Variants in TMTC2 observed in about 807,000 individuals in gnomAD.
TMTC2 encodes the protein transmembrane O-mannosyltransferase targeting cadherins 2, also known as protein O-mannosyl-transferase TMTC2.
TMTC2 carries 43 observed loss-of-function variants against 82.4 expected under a neutral mutation model. The observed-to-expected ratio is 0.52, with a 90% CI of 0.41 to 0.67. TMTC2 has a LOEUF of 0.67. Among genes scored for constraint, TMTC2 ranks in the 30% least tolerant of loss-of-function variants. The probability of loss-of-function intolerance (pLI) is 0.00; values close to 1 mark genes in which losing one functional copy is unlikely to be tolerated. For synonymous variants in TMTC2, 408 were observed against 381.9 expected (o/e 1.07, Z -0.80); for missense variants, 919 against 1,012.4 (o/e 0.91, Z 1.25).
chr12:83,026,676 C>T (rs1006913208), intron 8 of TMTC2, among the ~76,000 whole-genome samples: 2 of 151,102 alleles, frequency 1.3e-5, no homozygotes, highest in African/African-American at 4.9e-5. Context: ...CCTCCTTGCT[C>T]TAAGGGGAGT....
At chr12:82,799,818 CAG>C in intron 1 of TMTC2, among the ~76,000 whole-genome samples, 1 of 152,226 alleles carries the variant, frequency 6.6e-6, no homozygotes, top group East Asian at 1.9e-4. Flanking sequence ...ATGAATCCCT[CAG>C]AGTTGCTTAC....
At position 83,076,167 on chromosome 12, in the gene TMTC2, C is replaced by T. The variant is rs527436892; in HGVS notation, c.2331+14336C>T. On this transcript the variant is annotated intron_variant, in intron 11 of 11. Transcript: ENST00000321196. ...GGGTATTGTTATTCATCACAATCTA[C>T]ATGCAATCATTTTTAAACAATATTT... Among the ~76,000 whole-genome samples the T allele has an allele frequency of 2.6e-5, 4 of 152,304 alleles. No homozygotes were observed. In the East Asian group the frequency reaches 7.7e-4, roughly 29 times the overall value.
At chr12:82,875,146 A>G (rs1336064039) in intron 2 of TMTC2, among the ~76,000 whole-genome samples, 1 of 152,150 alleles carries the variant, frequency 6.6e-6, no homozygotes, top group African/African-American at 2.4e-5. Context: ...TGATCTTTCT[A>G]AGAACTTACT....
chr12:82,971,918 A>G (rs547151400), intron 7 of TMTC2, among the ~76,000 whole-genome samples: 1 of 152,210 alleles, frequency 6.6e-6, no homozygotes, highest in African/African-American at 2.4e-5. Context: ...TTTCTGGGAG[A>G]TTTCACAGTT....
chr12:82,914,856 G>A (rs149997604), intron 3 of TMTC2, among the ~76,000 whole-genome samples: 6,531 of 120,666 alleles, frequency 0.054, 197 homozygotes, highest in Middle Eastern at 0.1. Flanking sequence ...ACGGAGTTTC[G>A]CTCTTGTTGC....
chr12:83,056,366 A>G (rs1350119731), intron 10 of TMTC2, among the ~76,000 whole-genome samples: 2 of 151,988 alleles, frequency 1.3e-5, no homozygotes, highest in Non-Finnish European at 2.9e-5. Context: ...AAACTCTACC[A>G]TACCAACTGG....
chr12:83,036,842 A>T (rs1027772910), intron 9 of TMTC2, among the ~76,000 whole-genome samples: 6 of 152,156 alleles, frequency 3.9e-5, no homozygotes, highest in Non-Finnish European at 8.8e-5. Context: ...TTTCTACCTC[A>T]TAACTTGGTG....
chr12:82,866,885 A>T (rs183610042), intron 2 of TMTC2, among the ~76,000 whole-genome samples: 1 of 152,306 alleles, frequency 6.6e-6, no homozygotes, highest in African/African-American at 2.4e-5. Flanking sequence ...GAAAAAACTG[A>T]CTTATGTCAA....
intron 8 of TMTC2, among the ~76,000 whole-genome samples, chr12:83,006,759 A>G (rs113403795): frequency 2.0e-5 from 3 of 152,308 alleles, no homozygotes; most frequent in African/African-American, 7.2e-5. Flanking sequence ...TATACCATGG[A>G]ATGCTATGCA....
chr12:82,912,106 A>G lies in TMTC2; in HGVS notation c.1483+15460A>G, dbSNP rs571541707. On this transcript the variant is annotated intron_variant, in intron 3 of 11. Coordinates refer to ENST00000321196, the MANE Select transcript of TMTC2 (RefSeq NM_152588.3). The stretch of plus-strand genomic sequence containing the variant: ...AATTCAGTTCCTTTTTGCAAAACAC[A>G]TAAGATATTAAAATATCAGCATTAA... 1.1e-4 allele frequency among the ~76,000 whole-genome samples: 17 copies of G among 152,358 alleles called. No individual in the cohort carries two copies. In the South Asian group the frequency reaches 3.5e-3, roughly 32 times the overall value.
chr12:82,908,384 T>C (rs1874436256), intron 3 of TMTC2, among the ~76,000 whole-genome samples: 1 of 102,362 alleles, frequency 9.8e-6, no homozygotes, highest in South Asian at 3.4e-4. Flanking sequence ...AGGTAACTTT[T>C]ATCAGTAGAG....
Position 82,986,013 on chromosome 12 carries a change from T to G in TMTC2, c.2037T>G (p.Ala679=). Residue 679 remains alanine (A), a synonymous_variant, in exon 8 of 12, where the codon GCT becomes GCG. Transcript: ENST00000321196. ...SLRSKTDHIP[A]HLTYGKLLAL... is the part of the protein sequence containing the mutation. ...GATCCAAGACTGACCACATCCCTGC[T>G]CATCTCACCTATGGGAAGCTGCTAG... is the stretch of plus-strand genomic sequence containing the variant. The G allele has an allele frequency of 3.7e-6, 6 of 1,613,996 alleles. No individual in the cohort carries two copies. The highest frequency in any genetic ancestry group is 5.1e-6 in the Non-Finnish European group (6 of 1,179,926).
At chr12:83,073,049 G>GT (rs34935782) in intron 11 of TMTC2, among the ~76,000 whole-genome samples, 49,014 of 148,972 alleles carry the variant, frequency 0.33, 8,275 homozygotes, top group South Asian at 0.49. Flanking sequence ...GTGTACTTTG[G>GT]TTTTTTTTTT....
chr12:82,881,414 T>C (rs1348108407), intron 2 of TMTC2, among the ~76,000 whole-genome samples: 2 of 152,184 alleles, frequency 1.3e-5, no homozygotes, highest in Non-Finnish European at 1.5e-5. Context: ...AATTTCAAAT[T>C]TCACATTAAA....
chr12:82,820,055 T>C (rs1234932156), intron 1 of TMTC2, among the ~76,000 whole-genome samples: 3 of 152,120 alleles, frequency 2.0e-5, no homozygotes, highest in East Asian at 1.9e-4. Flanking sequence ...GCTGAAGAAC[T>C]TGGAGTCCGA....
At chr12:82,841,952 T>G (rs1870359851) in intron 1 of TMTC2, among the ~76,000 whole-genome samples, 1 of 152,196 alleles carries the variant, frequency 6.6e-6, no homozygotes, top group Admixed American at 6.5e-5. Context: ...ACAAAAGTGT[T>G]TTTTATAGCT....
intron 3 of TMTC2, among the ~76,000 whole-genome samples, chr12:82,923,908 A>T (rs1413606968): frequency 6.6e-6 from 1 of 152,214 alleles, no homozygotes; most frequent in Non-Finnish European, 1.5e-5. Context: ...CAAAATTGAC[A>T]TGATATTAAA....
At chr12:82,923,180 T>C (rs2137231330) in intron 3 of TMTC2, among the ~76,000 whole-genome samples, 1 of 152,302 alleles carries the variant, frequency 6.6e-6, no homozygotes, top group Non-Finnish European at 1.5e-5. Context: ...TTCTATTTTC[T>C]TGCCAGTCTA....
At chr12:82,995,337 T>TACACAC (rs59534444) in intron 8 of TMTC2, among the ~76,000 whole-genome samples, 3 of 150,090 alleles carry the variant, frequency 2.0e-5, no homozygotes, top group East Asian at 3.9e-4. Context: ...CACACACACA[T>TACACAC]ACACACACAC....
Sources: gnomAD v4.1 joint callset for allele counts (sites outside exome capture counted in the v4.1 genomes callset) on GRCh38, gnomAD v4.1.1 for gene constraint, MANE v1.5 for transcripts, NCBI Gene and HGNC (gene_info 2026-07-23, HGNC 2026-07-21) for gene names.